The following TXNRD1 variants were observed in gnomAD, a reference collection of about 807,000 sequenced individuals.
TXNRD1 encodes thioredoxin reductase 1.
A neutral mutation model predicts 80.3 loss-of-function variants in TXNRD1; 57 were observed. The observed-to-expected ratio is 0.71, with a 90% CI of 0.57 to 0.89. The LOEUF is 0.89. Ranked by LOEUF, TXNRD1 falls within the 40% of genes least tolerant of loss-of-function variation. TXNRD1 has a pLI of 0.00. For missense variants in TXNRD1, 730 were observed against 803.0 expected (o/e 0.91, Z 1.10); for synonymous variants, 291 against 285.2 (o/e 1.02, Z -0.20).
At chr12:104,346,947 T>C (rs55717848) in intron 16 of TXNRD1, among the ~76,000 whole-genome samples, 1,768 of 152,108 alleles carry the variant, frequency 0.012, 35 homozygotes, top group African/African-American at 0.04. Flanking sequence ...ATCCAAAAAT[T>C]ATCCGAGCAT....
intron 2 of TXNRD1, among the ~76,000 whole-genome samples, chr12:104,254,644 A>AAAAAAAAAAAATATATATATATATATAT: frequency 3.2e-5 from 3 of 93,638 alleles, no homozygotes; most frequent in African/African-American, 1.0e-4. Flanking sequence ...AAAAAAAAAA[A>AAAAAAAAAAAATATATATATATATATAT]ATATATATAT....
At chr12:104,234,038 A>C (rs1053012830) in intron 1 of TXNRD1, among the ~76,000 whole-genome samples, 1 of 152,164 alleles carries the variant, frequency 6.6e-6, no homozygotes, top group African/African-American at 2.4e-5. Context: ...TCAATATTAC[A>C]ATCTTCAAAG....
At chr12:104,329,879 G>C (rs1196724653) in intron 13 of TXNRD1, among the ~76,000 whole-genome samples, 1 of 152,158 alleles carries the variant, frequency 6.6e-6, no homozygotes, top group Non-Finnish European at 1.5e-5. Flanking sequence ...CTGAGGCTTA[G>C]AAACTGTCTC....
chr12:104,316,006 T>C, intron 7 of TXNRD1, 110 bp downstream of exon 7: 1 of 1,246,834 alleles, frequency 8.0e-7, no homozygotes, highest in Non-Finnish European at 1.1e-6. Context: ...TAGTTGTTTT[T>C]ATTGTTTACA....
chr12:104,283,093 G>T (rs1167086120), intron 3 of TXNRD1: 3 of 152,134 alleles, frequency 2.0e-5, no homozygotes, highest in African/African-American at 7.2e-5. Context: ...AGAGAGGGAG[G>T]CTAACTTCAA....
Position 104,331,025 on chromosome 12 carries a change from T to C in TXNRD1, c.1543-509T>C, listed in dbSNP as rs188264663. On this transcript the variant is annotated intron_variant, in intron 13 of 16. Coordinates refer to ENST00000525566, the MANE Select transcript of TXNRD1 (RefSeq NM_001093771.3). ...TATATTATAGTAAAATATAGTAATA[T>C]ATCGTACTATATATCTATATGTTAA... Among the ~76,000 whole-genome samples the C allele has an allele frequency of 3.9e-4, 59 of 152,028 alleles. 1 individual carries two copies. Among genetic ancestry groups the C allele is most frequent in the African/African-American group, 1.2e-3 (51 of 41,510 alleles).
intron 3 of TXNRD1, among the ~76,000 whole-genome samples, chr12:104,277,364 C>T (rs1313612369): frequency 6.8e-6 from 1 of 148,016 alleles, no homozygotes; most frequent in Non-Finnish European, 1.5e-5. Context: ...CGCGCCACTG[C>T]ACTCCAGCCT....
rs2036026873 is a variant in TXNRD1 at position 104,333,365 on chromosome 12, G to A, written c.1651-872G>A. On this transcript the variant is annotated intron_variant, in intron 14 of 16. Transcript: ENST00000525566. ...TATTATAGAAGTATAACGTGTTTGA[G>A]TTGAAGAAACTTTGAAAAATGTAAG... Among the ~76,000 whole-genome samples, 10 of 152,128 alleles carry A rather than the reference G, an allele frequency of 6.6e-5. No homozygotes were observed. In the South Asian group the frequency reaches 2.1e-3, roughly 32 times the overall value.
intron 3 of TXNRD1, among the ~76,000 whole-genome samples, chr12:104,266,685 C>T (rs980161631): frequency 8.0e-5 from 12 of 150,688 alleles, no homozygotes; most frequent in African/African-American, 2.4e-4. Flanking sequence ...ACAACAGGGC[C>T]GGGCGCGGTG....
At chr12:104,332,764 A>G (rs1329002341) in intron 14 of TXNRD1, among the ~76,000 whole-genome samples, 1 of 151,194 alleles carries the variant, frequency 6.6e-6, no homozygotes, top group East Asian at 1.9e-4. Context: ...AAAAAAAAAA[A>G]AAAAAAAGAA....
chr12:104,329,345 G>A (rs1261202382), intron 13 of TXNRD1, among the ~76,000 whole-genome samples: 3 of 151,748 alleles, frequency 2.0e-5, no homozygotes, highest in Non-Finnish European at 4.4e-5. Flanking sequence ...ATTGAATGGA[G>A]TTGTACTTTA....
chr12:104,347,853 T>C (rs907211793), intron 16 of TXNRD1, among the ~76,000 whole-genome samples: 3 of 151,752 alleles, frequency 2.0e-5, no homozygotes, highest in Non-Finnish European at 4.4e-5. Context: ...AAAAGCAGGG[T>C]AACAAAAGAA....
At chr12:104,221,656 T>C (rs1166029631) in intron 1 of TXNRD1, among the ~76,000 whole-genome samples, 1 of 152,148 alleles carries the variant, frequency 6.6e-6, no homozygotes, top group Non-Finnish European at 1.5e-5. Flanking sequence ...GTTTTCAGCT[T>C]TCAACATTCA....
At chr12:104,268,674 C>T (rs2033588914) in intron 3 of TXNRD1, among the ~76,000 whole-genome samples, 1 of 151,902 alleles carries the variant, frequency 6.6e-6, no homozygotes, top group Admixed American at 6.6e-5. Context: ...TGCACTACCA[C>T]GCCTGGCTAA....
At chr12:104,219,897 A>G (rs899624933) in intron 1 of TXNRD1, among the ~76,000 whole-genome samples, 3 of 152,214 alleles carry the variant, frequency 2.0e-5, no homozygotes, top group African/African-American at 4.8e-5. Context: ...TCCTAAGACC[A>G]CCTGCAAGAG....
intron 1 of TXNRD1, among the ~76,000 whole-genome samples, chr12:104,234,581 A>G (rs2032692853): frequency 6.7e-6 from 1 of 150,000 alleles, no homozygotes; most frequent in Admixed American, 6.7e-5. Flanking sequence ...GGTGTGAGCC[A>G]CCGTGCCTGG....
chr12:104,286,179 C>G (rs900788264), intron 3 of TXNRD1: 1 of 152,182 alleles, frequency 6.6e-6, no homozygotes, highest in Non-Finnish European at 1.5e-5. Flanking sequence ...GACATTCCTT[C>G]CTTCCTTCCT....
chr12:104,304,185 G>C, intron 4 of TXNRD1: 1 of 1,614,076 alleles, frequency 6.2e-7, no homozygotes, highest in East Asian at 2.2e-5. Context: ...AGCCGAACCA[G>C]AGAAGCAGCC....
chr12:104,314,738 CTTTTTTTTTTT>C (rs11330431), intron 6 of TXNRD1, among the ~76,000 whole-genome samples: 93 of 103,666 alleles, frequency 9.0e-4, no homozygotes, highest in Admixed American at 1.1e-3. Context: ...AAATTTTTTT[CTTTTTTTTTTT>C]TTTTTTTTTT....
Sources: allele counts gnomAD v4.1 joint callset (sites outside exome capture counted in the v4.1 genomes callset), GRCh38; gene constraint gnomAD v4.1.1; transcripts MANE v1.5; gene names NCBI Gene and HGNC (gene_info 2026-07-23, HGNC 2026-07-21).